The following SORBS2 variants were observed in gnomAD, a reference collection of about 807,000 sequenced individuals.
The protein encoded by SORBS2 is sorbin and SH3 domain-containing protein 2.
SORBS2 carries 46 observed loss-of-function variants against 97.7 expected under a neutral mutation model. The observed-to-expected ratio is 0.47, with a 90% confidence interval of 0.37 to 0.60. SORBS2 has a LOEUF of 0.60. Among genes scored for constraint, SORBS2 ranks in the 20% least tolerant of loss-of-function variants. The pLI is 0.00. For synonymous variants in SORBS2, 476 were observed against 473.4 expected (o/e 1.01, Z -0.07); for missense variants, 1,316 against 1,282.3 (o/e 1.03, Z -0.40).
chr4:185,611,761 T>C lies in SORBS2; in HGVS notation c.2796+19A>G. The stretch of plus-strand genomic sequence containing the variant: ...TGGAGCTTCCAATATTACATTAACA[T>C]GATAGAGTATGTTCTTACCTTATTT... On this transcript the variant is annotated intron_variant, in intron 12 of 14. Transcript: ENST00000418609. The C allele has an allele frequency of 6.3e-7, 1 of 1,596,006 alleles. No homozygotes were observed. The highest frequency in any genetic ancestry group is 1.1e-5 in the South Asian group (1 of 90,540).
chr4:185,916,722 G>T (rs1475149311), intron 1 of SORBS2, among the ~76,000 whole-genome samples: 1 of 152,144 alleles, frequency 6.6e-6, no homozygotes, highest in Non-Finnish European at 1.5e-5. Flanking sequence ...ACTGGCACCT[G>T]GTCTGTAGAG....
At chr4:185,934,984 CT>C (rs1293249775) in intron 1 of SORBS2, among the ~76,000 whole-genome samples, 4 of 152,112 alleles carry the variant, frequency 2.6e-5, no homozygotes, top group Non-Finnish European at 5.9e-5. Flanking sequence ...ATAATTTGCA[CT>C]TTAGGTGTTT....
chr4:185,776,514 C>A (rs1035818923), intron 1 of SORBS2, among the ~76,000 whole-genome samples: 3 of 151,864 alleles, frequency 2.0e-5, no homozygotes, highest in African/African-American at 7.3e-5. Flanking sequence ...TTTTTTTCAA[C>A]CCCCTACTCC....
intron 1 of SORBS2, among the ~76,000 whole-genome samples, chr4:185,854,495 A>G (rs2099219616): frequency 6.6e-6 from 1 of 152,172 alleles, no homozygotes; most frequent in Non-Finnish European, 1.5e-5. Context: ...TAATTCACAT[A>G]TGGGATATTC....
intron 2 of SORBS2, among the ~76,000 whole-genome samples, chr4:185,757,733 A>G (rs2098839594): frequency 6.6e-6 from 1 of 152,230 alleles, no homozygotes; most frequent in Non-Finnish European, 1.5e-5. Flanking sequence ...GTTGTGGAAC[A>G]TATTACAGAG....
At chr4:185,702,696 G>C (rs2098281716) in intron 2 of SORBS2, among the ~76,000 whole-genome samples, 1 of 151,608 alleles carries the variant, frequency 6.6e-6, no homozygotes, top group Non-Finnish European at 1.5e-5. Context: ...GGGAGTCGGT[G>C]TTAAGCCTTG....
intron 1 of SORBS2, among the ~76,000 whole-genome samples, chr4:185,879,954 A>G (rs2099236041): frequency 6.6e-6 from 1 of 152,226 alleles, no homozygotes. Flanking sequence ...TTTCCGGGAC[A>G]CGGCAGTTGT....
intron 2 of SORBS2, among the ~76,000 whole-genome samples, chr4:185,649,893 A>G (rs1245635472): frequency 6.6e-6 from 1 of 152,172 alleles, no homozygotes; most frequent in Non-Finnish European, 1.5e-5. Context: ...GATTACAGTA[A>G]ATCTTTGTCA....
At position 185,665,346 on chromosome 4, in the gene SORBS2, G is replaced by T. The variant is rs1161404843; in HGVS notation, c.-45-3104C>A. ...AGTCACACAGGACACATTAATGTGA[G>T]TCTGTGAGAAAAACTGCTAACATGT... On this transcript the variant is annotated intron_variant, in intron 4 of 20. Coordinates refer to the SORBS2 transcript ENST00000284776. Among the ~76,000 whole-genome samples, 4 of 152,280 alleles carry T rather than the reference G, an allele frequency of 2.6e-5. No individual in the cohort carries two copies. In the East Asian group the frequency reaches 7.7e-4, roughly 29 times the overall value.
chr4:185,880,139 T>G (rs1046334241), intron 1 of SORBS2, among the ~76,000 whole-genome samples: 12 of 152,222 alleles, frequency 7.9e-5, no homozygotes, highest in African/African-American at 2.4e-4. Context: ...GGCTTTCCCC[T>G]GTGCAGGCTG....
chr4:185,689,719 T>G (rs1274268597), intron 2 of SORBS2, among the ~76,000 whole-genome samples: 1 of 152,164 alleles, frequency 6.6e-6, no homozygotes, highest in African/African-American at 2.4e-5. Context: ...TAGCACTTGA[T>G]GCAACAAGAG....
intron 1 of SORBS2, among the ~76,000 whole-genome samples, chr4:185,778,556 T>C (rs1584678490): frequency 1.3e-5 from 2 of 152,116 alleles, no homozygotes; most frequent in African/African-American, 4.8e-5. Flanking sequence ...TGATATGAAG[T>C]AGTGTCTGTC....
At chr4:185,636,044 A>G (rs1443536781) in intron 4 of SORBS2, among the ~76,000 whole-genome samples, 1 of 152,022 alleles carries the variant, frequency 6.6e-6, no homozygotes, top group Non-Finnish European at 1.5e-5. Flanking sequence ...TTTTTAGTAG[A>G]GAAGGGGTTT....
At chr4:185,617,034 C>G (rs1163791166) in intron 9 of SORBS2, among the ~76,000 whole-genome samples, 2 of 152,206 alleles carry the variant, frequency 1.3e-5, no homozygotes, top group African/African-American at 2.4e-5. Context: ...CAGGCATGAG[C>G]CACCGTGCCC....
chr4:185,761,008 C>T (rs983766243), intron 2 of SORBS2, among the ~76,000 whole-genome samples: 2 of 152,206 alleles, frequency 1.3e-5, no homozygotes, highest in Non-Finnish European at 2.9e-5. Context: ...TTCATTCAGA[C>T]ACACATATAC....
chr4:185,892,677 A>C (rs6833156), intron 1 of SORBS2, among the ~76,000 whole-genome samples: 110,830 of 152,124 alleles, frequency 0.73, 40,444 homozygotes, highest in Middle Eastern at 0.83. Flanking sequence ...CACAGAAGGA[A>C]AAATCCTGTA....
intron 2 of SORBS2, chr4:185,740,259 G>C (rs1378992126): frequency 6.6e-6 from 1 of 152,304 alleles, no homozygotes; most frequent in Non-Finnish European, 1.5e-5. Flanking sequence ...CATCATACTT[G>C]GGCTTCGCCC....
At chr4:185,779,297 T>A (rs2099015868) in intron 1 of SORBS2, among the ~76,000 whole-genome samples, 1 of 152,228 alleles carries the variant, frequency 6.6e-6, no homozygotes, top group African/African-American at 2.4e-5. Context: ...CTCGGTTTCC[T>A]CCTCTGTAAT....
At chr4:185,719,933 C>T (rs1403846742) in intron 2 of SORBS2, among the ~76,000 whole-genome samples, 1 of 152,192 alleles carries the variant, frequency 6.6e-6, no homozygotes, top group Admixed American at 6.5e-5. Flanking sequence ...TTTCAGTTTC[C>T]CTTGTTTTAT....
Sources: allele counts gnomAD v4.1 joint callset (sites outside exome capture counted in the v4.1 genomes callset), GRCh38; gene constraint gnomAD v4.1.1; transcripts MANE v1.5; gene names NCBI Gene and HGNC (gene_info 2026-07-23, HGNC 2026-07-21).